The following HMGCLL1 variants were observed in gnomAD, a reference collection of about 807,000 sequenced individuals.
HMGCLL1 encodes 3-hydroxy-3-methylglutaryl-CoA lyase like 1, also known as 3-hydroxymethyl-3-methylglutaryl-CoA lyase, cytoplasmic.
HMGCLL1 carries 36 observed loss-of-function variants against 39.1 expected under a neutral mutation model. That is an observed-to-expected ratio of 0.92 (90% confidence interval 0.71 to 1.22). The LOEUF (loss-of-function observed/expected upper bound fraction) is 1.22, where lower values mean the gene tolerates loss of function less well. Among genes scored for constraint, HMGCLL1 ranks in the 50% most tolerant of loss-of-function variants. The probability of loss-of-function intolerance (pLI) is 0.00; values close to 1 mark genes in which losing one functional copy is unlikely to be tolerated. For missense variants in HMGCLL1, 451 were observed against 416.5 expected (o/e 1.08, Z -0.72); for synonymous variants, 149 against 144.0 (o/e 1.03, Z -0.25).
intron 1 of HMGCLL1, among the ~76,000 whole-genome samples, chr6:55,545,576 G>C (rs932242054): frequency 6.6e-6 from 1 of 152,062 alleles, no homozygotes; most frequent in Non-Finnish European, 1.5e-5. Flanking sequence ...TTGGGCTGGG[G>C]CTGATATATG....
chr6:55,629,435 C>T, the HMGCLL1 span, among the ~76,000 whole-genome samples: 1 of 152,116 alleles, frequency 6.6e-6, no homozygotes, highest in Non-Finnish European at 1.5e-5. Flanking sequence ...ATAAGGGAAG[C>T]AGAGCATAAA....
chr6:55,636,369 T>A, the HMGCLL1 span, among the ~76,000 whole-genome samples: 2 of 151,958 alleles, frequency 1.3e-5, no homozygotes, highest in African/African-American at 4.8e-5. Context: ...ATATGAAAAA[T>A]GAGTAAAATG....
At chr6:55,540,006 G>A (rs185613975) in intron 3 of HMGCLL1, among the ~76,000 whole-genome samples, 120 of 11,374 alleles carry the variant, frequency 0.011, 1 homozygote, top group East Asian at 0.07. Context: ...GGGAGGGAGG[G>A]AGGGAGGGAG....
At chr6:55,471,756 T>C (rs1765057719) in intron 7 of HMGCLL1, among the ~76,000 whole-genome samples, 1 of 151,742 alleles carries the variant, frequency 6.6e-6, no homozygotes, top group South Asian at 2.1e-4. Context: ...TACAGATCAA[T>C]AAATGTTCAC....
At chr6:55,640,260 T>C in the HMGCLL1 span, among the ~76,000 whole-genome samples, 1 of 152,092 alleles carries the variant, frequency 6.6e-6, no homozygotes, top group Non-Finnish European at 1.5e-5. Flanking sequence ...TCTCAATACA[T>C]ACAAATAACA....
In HMGCLL1 at chr6:55,439,558, A is replaced by G; in HGVS notation, c.797T>C (p.Met266Thr). Residue 266 changes from methionine to threonine, a missense_variant and splice_region_variant, in exon 8 of 9, where the codon ATG becomes ACG. Met to Thr is a moderately conservative substitution (Grantham distance 81, BLOSUM62 -1). Coordinates refer to ENST00000274901, the MANE Select transcript of HMGCLL1 (RefSeq NM_001042406.2). ...ALANILTALQ[M>T]GINVVDSAVS... The stretch of plus-strand genomic sequence containing the variant: ...TGCGGAGTCCACCACATTAATTCCC[A>G]TCTGGAAAACAAACCAAACCACCTA... 1 of 1,611,458 alleles carries G rather than the reference A, an allele frequency of 6.2e-7. No individual in the cohort carries two copies. The highest frequency in any genetic ancestry group is 8.5e-7 in the Non-Finnish European group (1 of 1,178,416).
chr6:55,667,341 C>T, the HMGCLL1 span, among the ~76,000 whole-genome samples: 1 of 151,752 alleles, frequency 6.6e-6, no homozygotes, highest in Non-Finnish European at 1.5e-5. Context: ...CTAAGCATAG[C>T]TGAAGTTACC....
chr6:55,552,826 G>A (rs893138474), intron 1 of HMGCLL1, among the ~76,000 whole-genome samples: 2 of 151,750 alleles, frequency 1.3e-5, no homozygotes, highest in African/African-American at 4.9e-5. Flanking sequence ...TCTACTGAAG[G>A]AAATCTTACA....
At chr6:55,489,271 T>G (rs963106061) in intron 7 of HMGCLL1, among the ~76,000 whole-genome samples, 2 of 152,060 alleles carry the variant, frequency 1.3e-5, no homozygotes, top group Non-Finnish European at 2.9e-5. Flanking sequence ...TAAGGCCATA[T>G]GTGTTAAGAA....
chr6:55,578,675 G>A (rs1217160521), intron 1 of HMGCLL1, among the ~76,000 whole-genome samples: 1 of 152,226 alleles, frequency 6.6e-6, no homozygotes, highest in African/African-American at 2.4e-5. Flanking sequence ...GGAAAACACA[G>A]AGAAGGAATT....
chr6:55,639,765 T>A, the HMGCLL1 span, among the ~76,000 whole-genome samples: 1 of 151,976 alleles, frequency 6.6e-6, no homozygotes, highest in Non-Finnish European at 1.5e-5. Context: ...ATGAAAATTA[T>A]GAAGGAGAAA....
intron 1 of HMGCLL1, among the ~76,000 whole-genome samples, chr6:55,556,439 G>A (rs1770670781): frequency 6.6e-6 from 1 of 152,108 alleles, no homozygotes; most frequent in East Asian, 1.9e-4. Context: ...GTTGATCAAG[G>A]GAAATGTGCC....
At chr6:55,677,127 T>C in the HMGCLL1 span, among the ~76,000 whole-genome samples, 1 of 152,206 alleles carries the variant, frequency 6.6e-6, no homozygotes, top group Non-Finnish European at 1.5e-5. Context: ...CTGGGCACAG[T>C]GGCTCACGCT....
chr6:55,546,094 C>T (rs923325410), intron 1 of HMGCLL1, among the ~76,000 whole-genome samples: 2 of 152,064 alleles, frequency 1.3e-5, no homozygotes, highest in Non-Finnish European at 2.9e-5. Context: ...AAGATATTCT[C>T]AAAGAAAGGC....
At chr6:55,489,547 A>G (rs943052100) in intron 7 of HMGCLL1, among the ~76,000 whole-genome samples, 1 of 152,036 alleles carries the variant, frequency 6.6e-6, no homozygotes, top group African/African-American at 2.4e-5. Flanking sequence ...CGAAGGTGAT[A>G]GCAGCAAGAA....
chr6:55,648,992 G>A, the HMGCLL1 span, among the ~76,000 whole-genome samples: 1 of 151,528 alleles, frequency 6.6e-6, no homozygotes, highest in Non-Finnish European at 1.5e-5. Context: ...ACCGAATCCA[G>A]CAACACATCA....
chr6:55,628,556 G>A, the HMGCLL1 span, among the ~76,000 whole-genome samples: 315 of 151,806 alleles, frequency 2.1e-3, 1 homozygote, highest in African/African-American at 6.9e-3. Context: ...TGCCCACCTC[G>A]GCCTCTTTCA....
intron 3 of HMGCLL1, among the ~76,000 whole-genome samples, chr6:55,517,955 A>C (rs1398195491): frequency 2.0e-5 from 3 of 152,066 alleles, no homozygotes; most frequent in African/African-American, 7.2e-5. Flanking sequence ...TTTCTCACTT[A>C]ATTCTATACT....
the HMGCLL1 span, among the ~76,000 whole-genome samples, chr6:55,650,056 G>T: frequency 2.9e-4 from 14 of 48,234 alleles, no homozygotes; most frequent in South Asian, 8.7e-4. Flanking sequence ...TGTCTGAAAG[G>T]TTATATATAT....
Sources: allele counts gnomAD v4.1 joint callset (sites outside exome capture counted in the v4.1 genomes callset), GRCh38; gene constraint gnomAD v4.1.1; transcripts MANE v1.5; gene names NCBI Gene and HGNC (gene_info 2026-07-23, HGNC 2026-07-21).